The following NARS2 variants were observed in gnomAD, a reference collection of about 807,000 sequenced individuals.
NARS2 encodes asparaginyl-tRNA synthetase 2, mitochondrial, also known as asparaginyl-tRNA synthetase.
A neutral mutation model predicts 62.9 loss-of-function variants in NARS2; 60 were observed. That is an observed-to-expected ratio of 0.95 (90% CI 0.77 to 1.18). The LOEUF (loss-of-function observed/expected upper bound fraction) is 1.18, where lower values mean the gene tolerates loss of function less well. Among genes scored for constraint, NARS2 ranks in the 50% most tolerant of loss-of-function variants. The pLI, the probability that NARS2 is intolerant of heterozygous loss-of-function variation, is 0.00. For synonymous variants in NARS2, 196 were observed against 200.0 expected (o/e 0.98, Z 0.17); for missense variants, 619 against 576.4 (o/e 1.07, Z -0.76).
At chr11:78,538,994 C>CAAAAAAAAAAAAAAAAAAAAAAAA in intron 5 of NARS2, among the ~76,000 whole-genome samples, 1 of 49,794 alleles carries the variant, frequency 2.0e-5, no homozygotes, top group African/African-American at 9.0e-5. Context: ...GAATCCGTCT[C>CAAAAAAAAAAAAAAAAAAAAAAAA]AAAAAAAAAA....
chr11:78,456,987 T>TTA (rs1344527527), intron 11 of NARS2, among the ~76,000 whole-genome samples: 1 of 152,214 alleles, frequency 6.6e-6, no homozygotes, highest in African/African-American at 2.4e-5. Context: ...TCAGAGAATC[T>TTA]TAGAGAGGTA....
intron 13 of NARS2, 84 bp downstream of exon 13, chr11:78,441,007 G>C: frequency 8.2e-7 from 1 of 1,223,984 alleles, no homozygotes; most frequent in Non-Finnish European, 1.2e-6. Flanking sequence ...CTTTCATGGG[G>C]TCTTGGGGAT....
intron 4 of NARS2, among the ~76,000 whole-genome samples, chr11:78,565,782 G>A (rs1456388567): frequency 6.6e-6 from 1 of 152,146 alleles, no homozygotes; most frequent in African/African-American, 2.4e-5. Flanking sequence ...CATTCTCAAG[G>A]CTGTAGGTCG....
intron 7 of NARS2, among the ~76,000 whole-genome samples, chr11:78,488,248 A>C (rs980108966): frequency 1.3e-4 from 20 of 152,022 alleles, no homozygotes; most frequent in Non-Finnish European, 1.8e-4. Flanking sequence ...AAAAAAAAAA[A>C]AAAAACTGTG....
At chr11:78,449,051 T>A (rs1452851587) in intron 11 of NARS2, among the ~76,000 whole-genome samples, 2 of 152,164 alleles carry the variant, frequency 1.3e-5, no homozygotes, top group Non-Finnish European at 2.9e-5. Context: ...TCTCTGGCTT[T>A]TATTTATCTG....
At chr11:78,507,583 A>C (rs1472291906) in intron 6 of NARS2, among the ~76,000 whole-genome samples, 1 of 149,804 alleles carries the variant, frequency 6.7e-6, no homozygotes, top group Non-Finnish European at 1.5e-5. Flanking sequence ...GCAGGGGCGC[A>C]ATCTCTGCTC....
At position 78,489,701 on chromosome 11, in the gene NARS2, G is replaced by A. The variant is rs536419685; in HGVS notation, c.822+3362C>T. On this transcript the variant is annotated intron_variant, in intron 7 of 13. Coordinates refer to ENST00000281038, the MANE Select transcript of NARS2 (RefSeq NM_024678.6). Reference sequence around the variant, plus strand: ...ATTTAACCAAGATCTGTATAATGAAGACTATAAAACATCACATCAAACACT... The same window carrying A: ...ATTTAACCAAGATCTGTATAATGAAAACTATAAAACATCACATCAAACACT... Among the ~76,000 whole-genome samples the A allele has an allele frequency of 2.2e-4, 33 of 152,122 alleles. No individual in the cohort carries two copies. In the South Asian group the frequency reaches 5.6e-3, roughly 26 times the overall value.
In NARS2 at chr11:78,571,413, T is replaced by A. The variant is rs745971429; in HGVS notation, c.173A>T (p.Glu58Val). The A allele has an allele frequency of 3.1e-6, 5 of 1,613,364 alleles. No homozygotes were observed. The South Asian group carries it at 4.4e-5, about 14-fold the overall frequency. ...GWIRSVRSQK[E>V]VLFLHVNDGS... ...ATCATTTACATGCAGGAACAAGACT[T>A]CCTTCTGGGATCGGACAGAACGAAT... is the stretch of plus-strand genomic sequence containing the variant. The change falls in exon 2 of 14, where the codon GAA becomes GTA. Residue 58 changes from glutamate (E) to valine (V), a missense_variant. Physicochemically the swap from Glu to Val is moderately radical, Grantham distance 121. Transcript: ENST00000281038.
intron 6 of NARS2, among the ~76,000 whole-genome samples, chr11:78,509,096 C>G (rs1011989134): frequency 6.8e-6 from 1 of 146,010 alleles, no homozygotes; most frequent in African/African-American, 2.5e-5. Flanking sequence ...CAGAGTGAGA[C>G]TCTGTCTTTA....
At chr11:78,527,171 G>T (rs981463144) in intron 6 of NARS2, among the ~76,000 whole-genome samples, 25 of 152,144 alleles carry the variant, frequency 1.6e-4, no homozygotes, top group Non-Finnish European at 3.4e-4. Context: ...GTTTATAACT[G>T]ACCTAGCACT....
At chr11:78,462,333 G>A (rs1158326038) in intron 11 of NARS2, among the ~76,000 whole-genome samples, 3 of 152,086 alleles carry the variant, frequency 2.0e-5, no homozygotes. Flanking sequence ...CTTTTTGCTG[G>A]CAACCTGGGG....
chr11:78,492,951 C>T, intron 7 of NARS2, 112 bp downstream of exon 7: 1 of 862,394 alleles, frequency 1.2e-6, no homozygotes, highest in South Asian at 1.7e-5. Context: ...AAGTAGTTAC[C>T]CCTTCTTTTC....
At chr11:78,567,578 C>A (rs1449876309) in intron 3 of NARS2, among the ~76,000 whole-genome samples, 1 of 152,056 alleles carries the variant, frequency 6.6e-6, no homozygotes, top group Non-Finnish European at 1.5e-5. Flanking sequence ...AAAATGGTTA[C>A]CGTCTATATT....
chr11:78,468,624 T>C (rs1858733928), intron 10 of NARS2, among the ~76,000 whole-genome samples: 1 of 151,912 alleles, frequency 6.6e-6, no homozygotes, highest in African/African-American at 2.4e-5. Flanking sequence ...CAGGATGGTC[T>C]CGATCTCCTG....
chr11:78,445,342 C>T (rs1046520330), intron 11 of NARS2, among the ~76,000 whole-genome samples: 24 of 151,922 alleles, frequency 1.6e-4, no homozygotes, highest in Admixed American at 2.6e-4. Context: ...TTTTTCAGGC[C>T]GGGTGCGGTG....
chr11:78,477,697 C>T (rs1368796371), intron 9 of NARS2, among the ~76,000 whole-genome samples: 1 of 152,104 alleles, frequency 6.6e-6, no homozygotes, highest in Admixed American at 6.6e-5. Flanking sequence ...TCATATTACC[C>T]TTCATAATGT....
At chr11:78,518,828 T>C (rs1017357087) in intron 6 of NARS2, among the ~76,000 whole-genome samples, 4 of 152,234 alleles carry the variant, frequency 2.6e-5, no homozygotes, top group African/African-American at 9.6e-5. Context: ...GAATTTTTCT[T>C]TATGACGTGA....
At chr11:78,496,303 T>C (rs753384502) in intron 6 of NARS2, among the ~76,000 whole-genome samples, 14 of 152,166 alleles carry the variant, frequency 9.2e-5, no homozygotes, top group Non-Finnish European at 2.1e-4. Flanking sequence ...ATAGTAGTAG[T>C]AGTACTAGTG....
At position 78,436,653 on chromosome 11, in the gene NARS2, C is replaced by T; in HGVS notation, c.*17G>A. On this transcript the variant is annotated 3_prime_UTR_variant, in exon 14 of 14. Coordinates refer to ENST00000281038, the MANE Select transcript of NARS2 (RefSeq NM_024678.6). ...GTCTCTGCCATGGGGGGTGCTTTTC[C>T]TTAACCAATCTTCCAGCTATAAAAG... 6.2e-7 allele frequency: 1 copy of T among 1,613,828 alleles called. No individual in the cohort carries two copies. The highest frequency in any genetic ancestry group is 8.5e-7 in the Non-Finnish European group (1 of 1,179,836).
Sources: allele counts gnomAD v4.1 joint callset (sites outside exome capture counted in the v4.1 genomes callset), GRCh38; gene constraint gnomAD v4.1.1; transcripts MANE v1.5; gene names NCBI Gene and HGNC (gene_info 2026-07-23, HGNC 2026-07-21).